COL5A2: variants seen among roughly 807,000 people sequenced by gnomAD.
The protein encoded by COL5A2 is collagen type V alpha 2 chain.
A neutral mutation model predicts 208.2 loss-of-function variants in COL5A2; 23 were observed. The observed-to-expected ratio is 0.11, with a 90% confidence interval of 0.08 to 0.16. COL5A2 has a LOEUF of 0.16. Ranked by LOEUF, COL5A2 falls within the 10% of genes least tolerant of loss-of-function variation. The pLI, the probability that COL5A2 is intolerant of heterozygous loss-of-function variation, is 1.00. For synonymous variants in COL5A2, 625 were observed against 628.5 expected, an observed-to-expected ratio of 0.99 and a Z score of 0.08; for missense variants, 1,590 against 1,956.4, an observed-to-expected ratio of 0.81 and a Z score of 3.53.
chr2:189,046,503 GT>G (rs1319644599), intron 45 of COL5A2, among the ~76,000 whole-genome samples: 6 of 152,126 alleles, frequency 3.9e-5, no homozygotes, highest in African/African-American at 1.4e-4. Context: ...AGAATGCATA[GT>G]TTACTTGAGT....
chr2:189,149,037 G>A (rs1042397377), intron 1 of COL5A2, among the ~76,000 whole-genome samples: 1 of 152,150 alleles, frequency 6.6e-6, no homozygotes, highest in African/African-American at 2.4e-5. Context: ...CCACTGGGGA[G>A]GCTGAGGCAG....
rs1688740776 is a variant in COL5A2 at position 189,179,383 on chromosome 2, C to T, written c.97+125G>A. ...TTCAAGTCGTTTTCCAGGTGCAAAT[C>T]CGTCAGCCCCCTTCTCAAACTTCAA... On this transcript the variant is annotated intron_variant, in intron 1 of 53. Transcript: ENST00000374866. 4.7e-6 allele frequency: 5 copies of T among 1,066,182 alleles called. No homozygotes were observed. The South Asian group carries it at 6.8e-5, about 15-fold the overall frequency. The allele number at this position is 1,066,182 out of a possible 1,614,324, so 66.0% of individuals were successfully genotyped here.
the COL5A2 span, among the ~76,000 whole-genome samples, chr2:189,376,349 G>A: frequency 6.6e-6 from 1 of 151,902 alleles, no homozygotes; most frequent in African/African-American, 2.4e-5. Context: ...TGAGATTTAA[G>A]TAGATGGGGC....
the COL5A2 span, among the ~76,000 whole-genome samples, chr2:189,346,863 C>CT: frequency 1.3e-5 from 2 of 152,144 alleles, no homozygotes; most frequent in Non-Finnish European, 2.9e-5. Flanking sequence ...TGCTGGCTCT[C>CT]TGAGGGAAAT....
chr2:189,321,230 C>T, the COL5A2 span, among the ~76,000 whole-genome samples: 6 of 152,288 alleles, frequency 3.9e-5, no homozygotes, highest in East Asian at 1.2e-3. Context: ...TTGTAAAGAC[C>T]ATCGATGCTA....
At chr2:189,396,917 G>A in the COL5A2 span, among the ~76,000 whole-genome samples, 1 of 149,286 alleles carries the variant, frequency 6.7e-6, no homozygotes, top group African/African-American at 2.5e-5. Context: ...CTTGAACCCA[G>A]GAGATGGAGG....
At chr2:189,430,527 G>A in the COL5A2 span, among the ~76,000 whole-genome samples, 1 of 152,218 alleles carries the variant, frequency 6.6e-6, no homozygotes, top group South Asian at 2.1e-4. Context: ...GCAACTGTCA[G>A]ACAAGGAGAT....
intron 52 of COL5A2, among the ~76,000 whole-genome samples, chr2:189,036,239 C>T (rs924446483): frequency 3.9e-5 from 6 of 152,052 alleles, no homozygotes; most frequent in African/African-American, 1.4e-4. Context: ...ACAAGATCCC[C>T]GTGAGGTAAC....
At chr2:189,148,138 A>G (rs1449797462) in intron 1 of COL5A2, among the ~76,000 whole-genome samples, 12 of 152,166 alleles carry the variant, frequency 7.9e-5, no homozygotes, top group Admixed American at 7.9e-4. Context: ...CCCAAATTTC[A>G]CTTAGATGAC....
chr2:189,322,703 A>C, the COL5A2 span, among the ~76,000 whole-genome samples: 2 of 151,942 alleles, frequency 1.3e-5, no homozygotes, highest in Non-Finnish European at 1.5e-5. Flanking sequence ...GCAACCAAAA[A>C]ACGTCCAGGA....
upstream of COL5A2, among the ~76,000 whole-genome samples, chr2:189,229,441 CA>C (rs1553531362): frequency 2.1e-4 from 23 of 107,222 alleles, no homozygotes; most frequent in African/African-American, 4.2e-4. Context: ...TACACACACA[CA>C]AAAAAAAAAC....
At position 189,093,137 on chromosome 2, in the gene COL5A2, C is replaced by G. The variant is rs190474713; in HGVS notation, c.457-717G>C. Among the ~76,000 whole-genome samples, 402 of 152,260 alleles carry G rather than the reference C, an allele frequency of 2.6e-3. 5 individuals are homozygous for G. Among genetic ancestry groups the G allele is most frequent in the Non-Finnish European group, 7.9e-4 (54 of 68,020 alleles). The stretch of plus-strand genomic sequence containing the variant: ...AGCAATGATTTCTAGCTGCCAAATT[C>G]CACCCTTCTCCTAACCCACATTCTG... On this transcript the variant is annotated intron_variant, in intron 6 of 53. Transcript: ENST00000374866.
At chr2:189,121,452 G>A (rs1047193343) in intron 1 of COL5A2, among the ~76,000 whole-genome samples, 3 of 151,862 alleles carry the variant, frequency 2.0e-5, no homozygotes, top group African/African-American at 7.3e-5. Flanking sequence ...TAAAACAACA[G>A]CACTCTTGTT....
the COL5A2 span, among the ~76,000 whole-genome samples, chr2:189,353,346 C>T: frequency 3.9e-5 from 6 of 152,030 alleles, no homozygotes; most frequent in Middle Eastern, 3.2e-3. Flanking sequence ...GGTAGCTTTA[C>T]GGAGATAGCA....
At chr2:189,113,154 G>A (rs1687316163) in intron 1 of COL5A2, among the ~76,000 whole-genome samples, 1 of 152,164 alleles carries the variant, frequency 6.6e-6, no homozygotes. Context: ...ATGTGGCTGG[G>A]TGTAGTGGCT....
At chr2:189,109,727 CT>C (rs1165340008) in intron 2 of COL5A2, among the ~76,000 whole-genome samples, 3 of 152,066 alleles carry the variant, frequency 2.0e-5, no homozygotes, top group African/African-American at 7.2e-5. Flanking sequence ...CTATTTCATT[CT>C]TTACCTAGCC....
the COL5A2 span, among the ~76,000 whole-genome samples, chr2:189,418,260 G>A: frequency 6.6e-6 from 1 of 152,078 alleles, no homozygotes; most frequent in Non-Finnish European, 1.5e-5. Context: ...GTCATTTCCT[G>A]AAACTTTTCT....
chr2:189,068,997 C>T (rs985738037), intron 18 of COL5A2, 113 bp from the exon 19 acceptor site: 3 of 778,824 alleles, frequency 3.9e-6, no homozygotes. Context: ...TGAAAGAGGC[C>T]AAAGAGGATT....
At chr2:189,126,632 G>A (rs1687612269) in intron 1 of COL5A2, among the ~76,000 whole-genome samples, 1 of 152,014 alleles carries the variant, frequency 6.6e-6, no homozygotes, top group South Asian at 2.1e-4. Context: ...TTCCCCTACA[G>A]AGGTAGCATT....
Sources: allele counts gnomAD v4.1 joint callset (sites outside exome capture counted in the v4.1 genomes callset), GRCh38; gene constraint gnomAD v4.1.1; transcripts MANE v1.5; gene names NCBI Gene and HGNC (gene_info 2026-07-23, HGNC 2026-07-21).